The following SFXN5 variants were observed in gnomAD, a reference collection of about 807,000 sequenced individuals.
The protein encoded by SFXN5 is sideroflexin-5.
Under a neutral mutation model 50.2 loss-of-function variants are expected in SFXN5, and 43 were observed. That is an observed-to-expected ratio of 0.86 (90% CI 0.67 to 1.11). The LOEUF (loss-of-function observed/expected upper bound fraction) is 1.11, where lower values mean the gene tolerates loss of function less well. Among genes scored for constraint, SFXN5 ranks in the 50% least tolerant of loss-of-function variants. SFXN5 has a pLI of 0.00. For missense variants in SFXN5, 463 were observed against 454.1 expected, an observed-to-expected ratio of 1.02 and a Z score of -0.18; for synonymous variants, 203 against 185.8, an observed-to-expected ratio of 1.09 and a Z score of -0.75.
chr2:73,000,791 C>T (rs1382175892), intron 7 of SFXN5, among the ~76,000 whole-genome samples: 9 of 152,178 alleles, frequency 5.9e-5, no homozygotes, highest in Non-Finnish European at 1.2e-4. Flanking sequence ...CATTCACTGC[C>T]CCTGCAGACC....
chr2:72,944,549 T>C lies in SFXN5; in HGVS notation c.*473A>G, dbSNP rs1233877234. The C allele has an allele frequency of 6.2e-6, 1 of 160,560 alleles. No individual in the cohort carries two copies. The highest frequency in any genetic ancestry group is 1.8e-4 in the East Asian group (1 of 5,470). 9.9% of individuals were successfully genotyped at this position (160,560 alleles called of 1,614,324 possible). A position where few individuals can be genotyped will look rare whatever the true frequency, so the allele number is the denominator to read the frequency against. ...ATCTGGGCTGGCCATTGTAATATCC[T>C]AAATTTACCAGCCTGGCCACCAAAC... On this transcript the variant is annotated 3_prime_UTR_variant, in exon 14 of 14. Coordinates refer to ENST00000272433, the MANE Select transcript of SFXN5 (RefSeq NM_144579.3).
At chr2:73,066,790 C>T (rs1415269826) in intron 1 of SFXN5, among the ~76,000 whole-genome samples, 1 of 151,776 alleles carries the variant, frequency 6.6e-6, no homozygotes, top group Non-Finnish European at 1.5e-5. Flanking sequence ...CATTAGAGGC[C>T]AGGGGTTTGA....
At position 72,966,524 on chromosome 2, in the gene SFXN5, T is replaced by C. The variant is rs117146790; in HGVS notation, c.827+1924A>G. Among the ~76,000 whole-genome samples, 28 of 152,294 alleles carry C rather than the reference T, an allele frequency of 1.8e-4. 1 individual carries two copies. In the East Asian group the frequency reaches 5.0e-3, roughly 27 times the overall value. On this transcript the variant is annotated intron_variant, in intron 12 of 13. Transcript: ENST00000272433. ...AAACTTCCATACCATACGCATTTTC[T>C]TAATCCCAGTGCTCACCATGCCATG...
intron 3 of SFXN5, among the ~76,000 whole-genome samples, chr2:73,035,643 G>A (rs1468521056): frequency 6.6e-6 from 1 of 151,926 alleles, no homozygotes; most frequent in African/African-American, 2.4e-5. Flanking sequence ...GGGACTACAG[G>A]TGCATGCCAC....
intron 2 of SFXN5, among the ~76,000 whole-genome samples, chr2:73,048,930 G>C (rs1025582442): frequency 6.6e-6 from 1 of 152,118 alleles, no homozygotes; most frequent in African/African-American, 2.4e-5. Context: ...GAGCGAATGA[G>C]TATTCAGTTT....
In SFXN5 at chr2:73,047,281, C is replaced by CACATAT. The variant is rs1175880051; in HGVS notation, c.172-6351_172-6350insATATGT. 5.5e-4 allele frequency among the ~76,000 whole-genome samples: 32 copies of CACATAT among 58,514 alleles called. 1 individual carries two copies. The highest frequency in any genetic ancestry group is 9.7e-4 in the East Asian group (2 of 2,052). 38.4% of individuals were successfully genotyped at this position (58,514 alleles called of 152,430 possible). On this transcript the variant is annotated intron_variant, in intron 2 of 13. Coordinates refer to ENST00000272433, the MANE Select transcript of SFXN5 (RefSeq NM_144579.3). ...ATATATATATATATATATATACACACATATATATATATATATAAAATATAT... is the reference window on the plus strand; with the variant it reads ...ATATATATATATATATATATACACACACATATATATATATATATATATAAAATATAT...
At chr2:72,976,025 CAA>C (rs978874548) in intron 10 of SFXN5, among the ~76,000 whole-genome samples, 3 of 152,168 alleles carry the variant, frequency 2.0e-5, no homozygotes, top group African/African-American at 7.2e-5. Flanking sequence ...ATCTCCAAAA[CAA>C]ACTGTTATGT....
At chr2:73,012,485 C>T (rs1017250008) in intron 6 of SFXN5, among the ~76,000 whole-genome samples, 6 of 150,542 alleles carry the variant, frequency 4.0e-5, no homozygotes, top group East Asian at 1.9e-4. Context: ...AAATATCAAA[C>T]GATTCCAGGG....
intron 3 of SFXN5, among the ~76,000 whole-genome samples, chr2:73,026,657 G>A (rs956666493): frequency 2.0e-5 from 3 of 152,066 alleles, no homozygotes; most frequent in African/African-American, 7.2e-5. Context: ...CACAACACCT[G>A]ACAATAATAA....
intron 9 of SFXN5, among the ~76,000 whole-genome samples, chr2:72,988,930 ATACC>A (rs1440642983): frequency 2.6e-5 from 4 of 151,862 alleles, no homozygotes; most frequent in Non-Finnish European, 5.9e-5. Context: ...CATCGCCTTC[ATACC>A]TGTCACCTGG....
intron 10 of SFXN5, among the ~76,000 whole-genome samples, chr2:72,987,830 C>A (rs1395563427): frequency 2.0e-5 from 3 of 152,214 alleles, no homozygotes; most frequent in Non-Finnish European, 2.9e-5. Context: ...TTTAAGACCT[C>A]TGTAACAACT....
intron 9 of SFXN5, among the ~76,000 whole-genome samples, chr2:72,993,652 TC>T (rs1285234397): frequency 8.5e-5 from 13 of 152,124 alleles, no homozygotes; most frequent in Admixed American, 8.5e-4. Flanking sequence ...CACTGCAGAT[TC>T]TCTACAGGGT....
At chr2:72,995,252 A>G (rs1208968702) in intron 9 of SFXN5, among the ~76,000 whole-genome samples, 1 of 152,236 alleles carries the variant, frequency 6.6e-6, no homozygotes, top group Admixed American at 6.5e-5. Flanking sequence ...ACTAAAAAAC[A>G]GTGAGGATTG....
At chr2:73,008,845 T>C (rs2105754850) in intron 6 of SFXN5, among the ~76,000 whole-genome samples, 1 of 152,324 alleles carries the variant, frequency 6.6e-6, no homozygotes, top group South Asian at 2.1e-4. Context: ...AGACACTACA[T>C]GGTTGCCAGT....
At chr2:72,988,843 C>T (rs1667212729) in intron 9 of SFXN5, among the ~76,000 whole-genome samples, 1 of 152,294 alleles carries the variant, frequency 6.6e-6, no homozygotes, top group African/African-American at 2.4e-5. Context: ...ACCCCGACAC[C>T]TGCCCACAGG....
chr2:73,048,040 T>C (rs1680742979), intron 2 of SFXN5, among the ~76,000 whole-genome samples: 1 of 152,230 alleles, frequency 6.6e-6, no homozygotes, highest in African/African-American at 2.4e-5. Context: ...GAAAAACTGC[T>C]CATATACTCA....
intron 6 of SFXN5, among the ~76,000 whole-genome samples, chr2:73,007,289 A>G (rs1407721858): frequency 1.3e-5 from 2 of 152,164 alleles, no homozygotes; most frequent in Non-Finnish European, 2.9e-5. Flanking sequence ...GAAATGGGGT[A>G]TGCGTCAAAA....
At chr2:72,975,225 T>A (rs1199941454) in intron 10 of SFXN5, among the ~76,000 whole-genome samples, 1 of 152,194 alleles carries the variant, frequency 6.6e-6, no homozygotes, top group Non-Finnish European at 1.5e-5. Flanking sequence ...TCATGCAGAT[T>A]GTGAAAAGCT....
rs932462244 is a variant in SFXN5, at chr2:72,961,892, G to C, written c.828-644C>G. Among the ~76,000 whole-genome samples, 1 of 152,162 alleles carries C rather than the reference G, an allele frequency of 6.6e-6. No homozygotes were observed. The highest frequency in any genetic ancestry group is 2.4e-5 in the African/African-American group (1 of 41,452). The stretch of plus-strand genomic sequence containing the variant: ...GCTGCCTGGACCCCTGGCTCCCCGA[G>C]GGTGCTGTCACCCCAGCTGGTCCCC... On this transcript the variant is annotated intron_variant, in intron 12 of 13. Coordinates refer to ENST00000272433, the MANE Select transcript of SFXN5 (RefSeq NM_144579.3). This position sits in a 1 kb window ranked among gnomAD's most constrained non-coding sequence, Gnocchi z 4.4.
Sources: allele counts gnomAD v4.1 joint callset (sites outside exome capture counted in the v4.1 genomes callset), GRCh38; gene constraint gnomAD v4.1.1; non-coding constraint Gnocchi (gnomAD v3.1); transcripts MANE v1.5; gene names NCBI Gene and HGNC (gene_info 2026-07-23, HGNC 2026-07-21).